The following THRB variants were observed in gnomAD, a reference collection of about 807,000 sequenced individuals.
THRB encodes nuclear receptor subfamily 1 group A member 2.
In THRB, 12 loss-of-function variants were observed where a neutral mutation model predicts 47.8. That is an observed-to-expected ratio of 0.25 (90% CI 0.16 to 0.41). The LOEUF is 0.41. THRB is among the 10% of genes least tolerant of loss of function. The pLI is 1.00. For synonymous variants in THRB, 218 were observed against 212.2 expected (o/e 1.03, Z -0.24); for missense variants, 348 against 589.2 (o/e 0.59, Z 4.24).
intron 5 of THRB, among the ~76,000 whole-genome samples, chr3:24,185,316 C>T (rs977408117): frequency 3.9e-5 from 6 of 152,080 alleles, no homozygotes; most frequent in African/African-American, 1.4e-4. Flanking sequence ...AGTATGATCC[C>T]AGGTTTATAA....
At chr3:24,494,512 C>G (rs1401327878) in intron 1 of THRB, 140 bp downstream of exon 1, 1 of 152,206 alleles carries the variant, frequency 6.6e-6, no homozygotes, top group East Asian at 1.9e-4. Flanking sequence ...TGATGACACC[C>G]CCACCACCCA....
intron 3 of THRB, among the ~76,000 whole-genome samples, chr3:24,293,405 A>C (rs1228751483): frequency 6.6e-6 from 1 of 152,138 alleles, no homozygotes. Context: ...TACTAAGAAA[A>C]CTCTAGCTCA....
intron 3 of THRB, among the ~76,000 whole-genome samples, chr3:24,276,374 C>T (rs1443422356): frequency 1.3e-5 from 2 of 152,186 alleles, no homozygotes; most frequent in Non-Finnish European, 2.9e-5. Context: ...TTATTAAGCA[C>T]TTTTCAATAG....
At chr3:24,272,118 G>T (rs1342767346) in intron 3 of THRB, among the ~76,000 whole-genome samples, 1 of 152,134 alleles carries the variant, frequency 6.6e-6, no homozygotes, top group Non-Finnish European at 1.5e-5. Context: ...ATAGCAGGAG[G>T]ATCGCTTGAG....
chr3:24,368,860 C>T (rs981477510), intron 1 of THRB, among the ~76,000 whole-genome samples: 10 of 152,240 alleles, frequency 6.6e-5, no homozygotes, highest in African/African-American at 2.4e-4. Context: ...CATTGTAGAC[C>T]AGGACCAGAG....
chr3:24,360,600 C>T (rs1249822774), intron 1 of THRB, among the ~76,000 whole-genome samples: 1 of 152,168 alleles, frequency 6.6e-6, no homozygotes, highest in Non-Finnish European at 1.5e-5. Context: ...AGCACCTTTT[C>T]TTCCTCCCAA....
chr3:24,397,600 C>CTTTTT (rs11383377), intron 1 of THRB, among the ~76,000 whole-genome samples: 3 of 138,262 alleles, frequency 2.2e-5, no homozygotes, highest in African/African-American at 2.7e-5. Flanking sequence ...TTTAGCAAGT[C>CTTTTT]TTTTTTTTTT....
intron 5 of THRB, among the ~76,000 whole-genome samples, chr3:24,160,443 G>A (rs1377944298): frequency 6.6e-6 from 1 of 152,144 alleles, no homozygotes; most frequent in African/African-American, 2.4e-5. Flanking sequence ...AAGAAAGGCA[G>A]GAAAACATGG....
At chr3:24,331,311 A>G (rs2061913132) in intron 2 of THRB, among the ~76,000 whole-genome samples, 1 of 152,208 alleles carries the variant, frequency 6.6e-6, no homozygotes, top group South Asian at 2.1e-4. Context: ...AGAGCAGGGA[A>G]GGAGGGAATA....
At chr3:24,426,122 A>C (rs1338135013) in intron 1 of THRB, among the ~76,000 whole-genome samples, 2 of 151,966 alleles carry the variant, frequency 1.3e-5, no homozygotes, top group African/African-American at 4.8e-5. Flanking sequence ...CTATGTGTCT[A>C]TCTATCCATG....
chr3:24,472,862 G>A (rs747794743), intron 1 of THRB, among the ~76,000 whole-genome samples: 2 of 152,044 alleles, frequency 1.3e-5, no homozygotes, highest in Non-Finnish European at 1.5e-5. Context: ...CCTTCAAGCA[G>A]CAAATTTGCA....
intron 3 of THRB, among the ~76,000 whole-genome samples, chr3:24,280,013 C>T (rs2054379558): frequency 6.6e-6 from 1 of 152,078 alleles, no homozygotes; most frequent in African/African-American, 2.4e-5. Context: ...TAATAGGGTC[C>T]AGCGCACAAA....
At chr3:24,195,522 T>C (rs2043852349) in intron 4 of THRB, among the ~76,000 whole-genome samples, 1 of 152,236 alleles carries the variant, frequency 6.6e-6, no homozygotes, top group South Asian at 2.1e-4. Context: ...CTCAGCCACT[T>C]ATAATCTATT....
intron 1 of THRB, among the ~76,000 whole-genome samples, chr3:24,490,829 A>C (rs1364644249): frequency 2.6e-5 from 4 of 152,170 alleles, no homozygotes; most frequent in Admixed American, 2.6e-4. Flanking sequence ...ATTCATCACC[A>C]GAATCTCCAC....
intron 5 of THRB, among the ~76,000 whole-genome samples, chr3:24,167,263 G>T (rs2039768988): frequency 6.6e-6 from 1 of 152,138 alleles, no homozygotes; most frequent in South Asian, 2.1e-4. Flanking sequence ...GCAAAAGCAT[G>T]TTCGTCAGTT....
At chr3:24,429,298 C>T (rs2070118018) in intron 1 of THRB, among the ~76,000 whole-genome samples, 1 of 149,856 alleles carries the variant, frequency 6.7e-6, no homozygotes, top group Non-Finnish European at 1.5e-5. Flanking sequence ...AATATATTCA[C>T]CTTGATATAT....
chr3:24,241,344 T>G (rs931887953), intron 3 of THRB, among the ~76,000 whole-genome samples: 1 of 152,156 alleles, frequency 6.6e-6, no homozygotes, highest in African/African-American at 2.4e-5. Context: ...CTCAGGTGAT[T>G]CCACTGAGAC....
At chr3:24,311,326 T>C (rs1201375483) in intron 2 of THRB, among the ~76,000 whole-genome samples, 1 of 152,182 alleles carries the variant, frequency 6.6e-6, no homozygotes, top group Non-Finnish European at 1.5e-5. Flanking sequence ...ATACTGTGTA[T>C]TAATGAAAGA....
At chr3:24,332,865 G>A (rs1170254174) in intron 2 of THRB, among the ~76,000 whole-genome samples, 1 of 152,074 alleles carries the variant, frequency 6.6e-6, no homozygotes, top group African/African-American at 2.4e-5. Context: ...GACCATCCTG[G>A]CTAACATGGT....
Sources: allele counts gnomAD v4.1 joint callset (sites outside exome capture counted in the v4.1 genomes callset), GRCh38; gene constraint gnomAD v4.1.1; transcripts MANE v1.5; gene names NCBI Gene and HGNC (gene_info 2026-07-23, HGNC 2026-07-21).